Variants in MSRA observed in about 807,000 individuals in gnomAD.
The protein encoded by MSRA is methionine sulfoxide reductase A.
Under a neutral mutation model 31.3 loss-of-function variants are expected in MSRA, and 54 were observed. The observed-to-expected ratio is 1.73, with a 90% confidence interval of 1.39 to 2.17. The LOEUF is 2.17. Ranked by LOEUF, MSRA falls within the 30% of genes most tolerant of loss-of-function variation. The pLI is 0.00. For synonymous variants in MSRA, 169 were observed against 116.5 expected (o/e 1.45, Z -2.90); for missense variants, 507 against 300.9 (o/e 1.69, Z -5.07).
At chr8:10,288,803 C>T (rs1237377496) in intron 3 of MSRA, among the ~76,000 whole-genome samples, 1 of 152,080 alleles carries the variant, frequency 6.6e-6, no homozygotes, top group Non-Finnish European at 1.5e-5. Flanking sequence ...ATGTACTATC[C>T]AAGTTGGGAG....
At chr8:10,421,737 G>A (rs145737030) in intron 5 of MSRA, among the ~76,000 whole-genome samples, 84 of 152,308 alleles carry the variant, frequency 5.5e-4, no homozygotes, top group African/African-American at 2.0e-3. Context: ...CATCTGTGGT[G>A]TTCCTATGAG....
At chr8:10,228,005 T>A (rs1249321609) in intron 2 of MSRA, among the ~76,000 whole-genome samples, 1 of 152,230 alleles carries the variant, frequency 6.6e-6, no homozygotes, top group Non-Finnish European at 1.5e-5. Context: ...GAAATCTGTC[T>A]TTGAATCCCC....
intron 5 of MSRA, chr8:10,337,434 C>G (rs531097588): frequency 2.4e-4 from 84 of 357,228 alleles, no homozygotes; most frequent in African/African-American, 1.6e-3. Context: ...CAGCCTCGGC[C>G]TCCCAAAGTG....
chr8:10,187,758 A>G (rs1807177300), intron 1 of MSRA, among the ~76,000 whole-genome samples: 1 of 152,230 alleles, frequency 6.6e-6, no homozygotes, highest in Non-Finnish European at 1.5e-5. Context: ...GATAAACATC[A>G]TGTTACCTGC....
At chr8:10,093,239 C>T (rs570390514) in intron 1 of MSRA, among the ~76,000 whole-genome samples, 78 of 152,134 alleles carry the variant, frequency 5.1e-4, no homozygotes, top group African/African-American at 1.6e-3. Flanking sequence ...CTATATTCTA[C>T]GTATCTTTGT....
chr8:10,374,887 G>C (rs544497906), intron 5 of MSRA, among the ~76,000 whole-genome samples: 1 of 152,226 alleles, frequency 6.6e-6, no homozygotes, highest in African/African-American at 2.4e-5. Context: ...GGTAATAAGG[G>C]AGTTCTCACC....
intron 1 of MSRA, among the ~76,000 whole-genome samples, chr8:10,154,375 TTTTC>T (rs774766168): frequency 2.1e-4 from 32 of 151,814 alleles, no homozygotes; most frequent in South Asian, 4.2e-4. Flanking sequence ...TTTTTTTTTC[TTTTC>T]TTTCTTTCTT....
chr8:10,087,001 TG>T (rs1415223793), intron 1 of MSRA, among the ~76,000 whole-genome samples: 1 of 152,110 alleles, frequency 6.6e-6, no homozygotes, highest in African/African-American at 2.4e-5. Flanking sequence ...TGGAGCTTTG[TG>T]TAAAGGAAGT....
At chr8:10,108,128 A>G (rs915614305) in intron 1 of MSRA, among the ~76,000 whole-genome samples, 3 of 152,118 alleles carry the variant, frequency 2.0e-5, no homozygotes, top group East Asian at 3.8e-4. Context: ...AGTGAGAGAA[A>G]TATAAATTTT....
chr8:10,154,538 C>T (rs1361238210), intron 1 of MSRA, among the ~76,000 whole-genome samples: 2 of 152,022 alleles, frequency 1.3e-5, no homozygotes, highest in African/African-American at 4.8e-5. Flanking sequence ...CCACCACGCC[C>T]AACTAATTTT....
In MSRA at chr8:10,305,920, GTCTTT is replaced by G. The variant is rs1291840121; in HGVS notation, c.436+4289_436+4293del. 3.3e-5 allele frequency among the ~76,000 whole-genome samples: 5 copies of G among 152,246 alleles called. No individual in the cohort carries two copies. In the East Asian group the frequency reaches 9.6e-4, roughly 29 times the overall value. On this transcript the variant is annotated intron_variant, in intron 4 of 5. Transcript: ENST00000317173. ...ACTCATGTGGTCAGTAAGTGGAATA[GTCTTT>G]TCTTTTAATTTACCAATTACCACAG... is the stretch of plus-strand genomic sequence containing the variant.
At position 10,225,956 on chromosome 8, in the gene MSRA, C is replaced by T. The variant is rs563222888; in HGVS notation, c.211+18055C>T. 7.9e-5 allele frequency among the ~76,000 whole-genome samples: 12 copies of T among 152,296 alleles called. No individual in the cohort carries two copies. The South Asian group carries it at 2.3e-3, about 29-fold the overall frequency. On this transcript the variant is annotated intron_variant, in intron 2 of 5. Transcript: ENST00000317173. The stretch of plus-strand genomic sequence containing the variant: ...ACGTAAGGTGTAAATGACTGTGTGG[C>T]ATGCCATAGGAAAAAATGGGAAGTG...
At chr8:10,115,992 A>T (rs1277581708) in intron 1 of MSRA, among the ~76,000 whole-genome samples, 3 of 152,226 alleles carry the variant, frequency 2.0e-5, no homozygotes, top group Admixed American at 6.5e-5. Flanking sequence ...TGATTCACGC[A>T]TGGTGGCTCG....
Position 10,428,235 on chromosome 8 carries a change from T to C in MSRA, c.631T>C (p.Tyr211His). ...CTATGCGGAAGACTACCACCAGCAG[T>C]ACCTGAGCAAGAACCCCAATGGCTA... is the stretch of plus-strand genomic sequence containing the variant. Reference protein sequence around the residue: ...FYYAEDYHQQYLSKNPNGYCG... With the variant: ...FYYAEDYHQQHLSKNPNGYCG... The change falls in exon 6 of 6, where the codon TAC becomes CAC. Residue 211 changes from tyrosine to histidine, a missense_variant. Coordinates refer to ENST00000317173, the MANE Select transcript of MSRA (RefSeq NM_012331.5). 1 of 1,614,180 alleles carries C rather than the reference T, an allele frequency of 6.2e-7. No homozygotes were observed. Among genetic ancestry groups the C allele is most frequent in the Non-Finnish European group, 8.5e-7 (1 of 1,180,028 alleles).
chr8:10,107,581 C>G (rs776165691), intron 1 of MSRA, among the ~76,000 whole-genome samples: 4 of 152,064 alleles, frequency 2.6e-5, no homozygotes, highest in Non-Finnish European at 5.9e-5. Context: ...TTTTGTTTAG[C>G]TATTTCTGTA....
chr8:10,108,747 C>T (rs1800067305), intron 1 of MSRA, among the ~76,000 whole-genome samples: 1 of 152,106 alleles, frequency 6.6e-6, no homozygotes, highest in South Asian at 2.1e-4. Context: ...TCAGAAATGC[C>T]TGGCACGTTT....
chr8:10,296,503 G>T (rs1800550674), intron 3 of MSRA, among the ~76,000 whole-genome samples: 1 of 152,186 alleles, frequency 6.6e-6, no homozygotes, highest in Admixed American at 6.5e-5. Context: ...AGTCAAAAAG[G>T]TATTAAACTC....
chr8:10,377,666 A>G (rs1805830299), intron 5 of MSRA, among the ~76,000 whole-genome samples: 1 of 152,192 alleles, frequency 6.6e-6, no homozygotes, highest in South Asian at 2.1e-4. Context: ...AGAGCTTGGG[A>G]GCAAGCGGTC....
intron 5 of MSRA, among the ~76,000 whole-genome samples, chr8:10,371,378 C>T (rs184064818): frequency 3.9e-5 from 6 of 152,132 alleles, no homozygotes; most frequent in South Asian, 4.2e-4. Flanking sequence ...CTGTGCCGGC[C>T]GGCGCCTCGT....
Sources: allele counts gnomAD v4.1 joint callset (sites outside exome capture counted in the v4.1 genomes callset), GRCh38; gene constraint gnomAD v4.1.1; transcripts MANE v1.5; gene names NCBI Gene and HGNC (gene_info 2026-07-23, HGNC 2026-07-21).